WDR17: variants seen among roughly 807,000 people sequenced by gnomAD.
WDR17 encodes WD repeat domain 17, also known as WD repeat-containing protein 17.
In WDR17, 143 loss-of-function variants were observed where a neutral mutation model predicts 161.7. The observed-to-expected ratio is 0.88, with a 90% CI of 0.77 to 1.02. WDR17 has a LOEUF of 1.02. WDR17 is among the 50% of genes least tolerant of loss of function. The probability of loss-of-function intolerance (pLI) is 0.00; values close to 1 mark genes in which losing one functional copy is unlikely to be tolerated. For synonymous variants in WDR17, 517 were observed against 515.6 expected, an observed-to-expected ratio of 1.00 and a Z score of -0.04; for missense variants, 1,469 against 1,520.9, an observed-to-expected ratio of 0.97 and a Z score of 0.57.
intron 4 of WDR17, among the ~76,000 whole-genome samples, chr4:176,122,260 A>C (rs1032643065): frequency 6.6e-6 from 1 of 152,124 alleles, no homozygotes; most frequent in African/African-American, 2.4e-5. Context: ...CCTTTTATAA[A>C]GACATAGTCA....
chr4:176,128,108 A>G (rs149714516), intron 5 of WDR17, among the ~76,000 whole-genome samples: 256 of 152,302 alleles, frequency 1.7e-3, no homozygotes, highest in African/African-American at 6.0e-3. Flanking sequence ...TAATGCTGCT[A>G]TGAACATGTA....
intron 1 of WDR17, among the ~76,000 whole-genome samples, chr4:176,090,876 G>A (rs930775768): frequency 5.9e-5 from 9 of 152,208 alleles, no homozygotes; most frequent in Non-Finnish European, 8.8e-5. Flanking sequence ...GGGATGGGCT[G>A]AAATAAAGGG....
chr4:176,071,330 CT>C (rs10654973), intron 1 of WDR17, among the ~76,000 whole-genome samples: 3 of 143,562 alleles, frequency 2.1e-5, no homozygotes, highest in Non-Finnish European at 3.0e-5. Flanking sequence ...TTTCTTTTCT[CT>C]TTTTTTTTTG....
chr4:176,163,302 T>C lies in WDR17; in HGVS notation c.2990+9T>C. The stretch of plus-strand genomic sequence containing the variant: ...ATGATGATTTCAGTATGGTAAGAAT[T>C]TTGAAATTCAAAGAATAATTTCATA... On this transcript the variant is annotated intron_variant, in intron 22 of 28. Coordinates refer to ENST00000508596, the MANE Select transcript of WDR17 (RefSeq NM_181265.4). 2 of 1,587,046 alleles carry C rather than the reference T, an allele frequency of 1.3e-6. No homozygotes were observed. The highest frequency in any genetic ancestry group is 1.4e-5 in the African/African-American group (1 of 73,444).
At chr4:176,137,176 A>G (rs1744550414) in intron 8 of WDR17, among the ~76,000 whole-genome samples, 1 of 151,454 alleles carries the variant, frequency 6.6e-6, no homozygotes, top group Admixed American at 6.6e-5. Context: ...AATATTCATG[A>G]TAGTTTGGCC....
intron 9 of WDR17, among the ~76,000 whole-genome samples, chr4:176,137,975 T>C (rs1302646200): frequency 3.3e-5 from 5 of 151,566 alleles, no homozygotes; most frequent in Admixed American, 2.0e-4. Context: ...CTAAACCTGT[T>C]TCTTCACCTA....
intron 4 of WDR17, among the ~76,000 whole-genome samples, chr4:176,122,320 C>T (rs545431057): frequency 5.6e-4 from 86 of 152,288 alleles, no homozygotes; most frequent in Middle Eastern, 3.4e-3. Flanking sequence ...TGATCATCTG[C>T]GAAGGCCCTA....
intron 16 of WDR17, among the ~76,000 whole-genome samples, chr4:176,150,822 C>T (rs1458091215): frequency 6.6e-6 from 1 of 152,174 alleles, no homozygotes; most frequent in Non-Finnish European, 1.5e-5. Context: ...CCTTCAAGGT[C>T]ACTCGGAACT....
chr4:176,077,993 A>C (rs1468287617), intron 1 of WDR17, among the ~76,000 whole-genome samples: 1 of 152,010 alleles, frequency 6.6e-6, no homozygotes, highest in Non-Finnish European at 1.5e-5. Context: ...ACTAAATATT[A>C]GTTTGCATTT....
In WDR17 at chr4:176,181,452, G is replaced by A; in HGVS notation, c.*1873G>A. 1 of 211,876 alleles carries A rather than the reference G, an allele frequency of 4.7e-6. No individual in the cohort carries two copies. Among genetic ancestry groups the A allele is most frequent in the South Asian group, 8.0e-5 (1 of 12,566 alleles). The allele number at this position is 211,876 out of a possible 1,614,324, so 13.1% of individuals were successfully genotyped here. A position where few individuals can be genotyped will look rare whatever the true frequency, so the allele number is the denominator to read the frequency against. ...ACTGCACTCCAGCCTGGGCGACAGA[G>A]CAAGACCACCATCTCCAAAAATTAT... On this transcript the variant is annotated 3_prime_UTR_variant, in exon 29 of 29. Transcript: ENST00000508596.
Position 176,146,008 on chromosome 4 carries a change from A to G in WDR17, c.1543A>G (p.Thr515Ala). 1 of 1,613,536 alleles carries G rather than the reference A, an allele frequency of 6.2e-7. No homozygotes were observed. The highest frequency in any genetic ancestry group is 8.5e-7 in the Non-Finnish European group (1 of 1,179,656). ...WSQNNKDMIA[T>A]GCEDTNVRVY... ...ATGATATTTCAGAGACATGATAGCC[A>G]CTGGCTGTGAAGACACAAATGTTCG... Residue 515 changes from threonine (T) to alanine (A), a missense_variant, in exon 12 of 29, where the codon ACT becomes GCT. Physicochemically the swap from Thr to Ala is moderately conservative, Grantham distance 58. Coordinates refer to ENST00000508596, the MANE Select transcript of WDR17 (RefSeq NM_181265.4).
At chr4:176,129,407 T>C (rs1045704629) in intron 6 of WDR17, among the ~76,000 whole-genome samples, 3 of 152,074 alleles carry the variant, frequency 2.0e-5, no homozygotes, top group African/African-American at 7.2e-5. Context: ...GCCTCTGTAA[T>C]TAAGAAAAAA....
At chr4:176,100,855 T>C (rs1378215691) in intron 1 of WDR17, among the ~76,000 whole-genome samples, 1 of 152,154 alleles carries the variant, frequency 6.6e-6, no homozygotes, top group Non-Finnish European at 1.5e-5. Context: ...CTTTCCTCAC[T>C]CTGTGTTCTT....
rs754867550 is a variant in WDR17 at position 176,168,745 on chromosome 4, C to T, written c.3064C>T (p.Pro1022Ser). 6.2e-6 allele frequency: 10 copies of T among 1,612,770 alleles called. No individual in the cohort carries two copies. The highest frequency in any genetic ancestry group is 8.5e-6 in the Non-Finnish European group (10 of 1,179,454). ...LHLIKLCAFY[P>S]GCTEEINDLH... ...TTTAATAAAACTCTGTGCTTTCTACCCAGGATGTACTGAAGAGATAAATGA... is the reference window on the plus strand; with the variant it reads ...TTTAATAAAACTCTGTGCTTTCTACTCAGGATGTACTGAAGAGATAAATGA... The change falls in exon 23 of 29, where the codon CCA (proline) becomes TCA (serine). Residue 1022 changes from proline to serine, a missense_variant. Coordinates refer to ENST00000508596, the MANE Select transcript of WDR17 (RefSeq NM_181265.4).
chr4:176,120,128 T>G lies in WDR17; in HGVS notation c.538+31T>G, dbSNP rs748018958. 5 of 1,525,350 alleles carry G rather than the reference T, an allele frequency of 3.3e-6. No individual in the cohort carries two copies. In the African/African-American group the frequency reaches 5.6e-5, roughly 17 times the overall value. The allele number at this position is 1,525,350 out of a possible 1,614,324, so 94.5% of individuals were successfully genotyped here. ...AATTTAATTAGCAAGGTATCTTAAA[T>G]AGTATATTTTTCTTATATATAATTT... On this transcript the variant is annotated intron_variant, in intron 4 of 28. Transcript: ENST00000508596.
At chr4:176,120,270 A>G (rs912712344) in intron 4 of WDR17, among the ~76,000 whole-genome samples, 173 bp downstream of exon 4, 7 of 144,868 alleles carry the variant, frequency 4.8e-5, no homozygotes, top group Non-Finnish European at 1.1e-4. Flanking sequence ...TACTGAGTCT[A>G]AATATTCATT....
intron 22 of WDR17, among the ~76,000 whole-genome samples, chr4:176,167,463 G>A (rs907866455): frequency 1.0e-4 from 15 of 150,416 alleles, no homozygotes; most frequent in African/African-American, 3.2e-4. Context: ...TGGCTAACAC[G>A]GTGAAACCCC....
At chr4:176,164,551 G>A (rs555739426) in intron 22 of WDR17, among the ~76,000 whole-genome samples, 1 of 152,170 alleles carries the variant, frequency 6.6e-6, no homozygotes, top group East Asian at 1.9e-4. Flanking sequence ...ATCTTATTAT[G>A]TATATGCAAA....
chr4:176,089,530 T>C (rs990649890), intron 1 of WDR17, among the ~76,000 whole-genome samples: 16 of 152,118 alleles, frequency 1.1e-4, no homozygotes, highest in Admixed American at 4.6e-4. Context: ...CTGCTTTGCA[T>C]GTATGAGTGC....
Sources: gnomAD v4.1 joint callset for allele counts (sites outside exome capture counted in the v4.1 genomes callset) on GRCh38, gnomAD v4.1.1 for gene constraint, MANE v1.5 for transcripts, NCBI Gene and HGNC (gene_info 2026-07-23, HGNC 2026-07-21) for gene names.